KIF6: variants seen among roughly 807,000 people sequenced by gnomAD.
KIF6 encodes kinesin family member 6, also known as kinesin-like protein KIF6.
KIF6 carries 106 observed loss-of-function variants against 112.7 expected under a neutral mutation model. The observed-to-expected ratio is 0.94, with a 90% CI of 0.80 to 1.11. The LOEUF is 1.11. Ranked by LOEUF, KIF6 falls within the 50% of genes least tolerant of loss-of-function variation. The pLI is 0.00. For missense variants in KIF6, 929 were observed against 964.0 expected, an observed-to-expected ratio of 0.96 and a Z score of 0.48; for synonymous variants, 339 against 339.9, an observed-to-expected ratio of 1.00 and a Z score of 0.03.
At chr6:39,419,171 T>C (rs1289081320) in intron 15 of KIF6, among the ~76,000 whole-genome samples, 2 of 151,914 alleles carry the variant, frequency 1.3e-5, no homozygotes, top group Non-Finnish European at 1.5e-5. Context: ...CTAGCCAACG[T>C]GGTGAAACCC....
rs537261198 is a variant in KIF6 at position 39,464,589 on chromosome 6, C to G, written c.1646-33428G>C. Among the ~76,000 whole-genome samples the G allele has an allele frequency of 2.6e-5, 4 of 152,306 alleles. No individual in the cohort carries two copies. In the South Asian group the frequency reaches 8.3e-4, roughly 32 times the overall value. ...TGGAATCTGGAATGCAGAGCAGCCA[C>G]TTGCCTCCTCCTCCTCACCTAGCCA... On this transcript the variant is annotated intron_variant, in intron 13 of 22. Coordinates refer to ENST00000287152, the MANE Select transcript of KIF6 (RefSeq NM_145027.6).
intron 15 of KIF6, among the ~76,000 whole-genome samples, chr6:39,397,762 G>A (rs1010325921): frequency 1.3e-5 from 2 of 152,106 alleles, no homozygotes; most frequent in East Asian, 3.8e-4. Context: ...CACATGGCCC[G>A]AGAACTACAC....
chr6:39,639,174 G>A (rs554110769), intron 4 of KIF6, among the ~76,000 whole-genome samples: 6 of 152,024 alleles, frequency 3.9e-5, no homozygotes, highest in South Asian at 2.1e-4. Context: ...TAATTACAAC[G>A]GTATTTGTAC....
rs375569188 is a variant in KIF6 at position 39,345,720 on chromosome 6, G to A, written c.2301C>T (p.Thr767=). The A allele has an allele frequency of 1.4e-5, 22 of 1,613,574 alleles. No homozygotes were observed. Among genetic ancestry groups the A allele is most frequent in the Non-Finnish European group, 1.9e-5 (22 of 1,179,878 alleles). ...PSPHSQKQSS[T]STPLEDSIPK... Reference sequence around the variant, plus strand: ...CAGACCTGTCTTCCAGTGGGGTGCTGGTGCTGCTCTGTTTCTGGCTGTGTG... The same window carrying A: ...CAGACCTGTCTTCCAGTGGGGTGCTAGTGCTGCTCTGTTTCTGGCTGTGTG... Residue 767 remains threonine, a synonymous_variant, in exon 21 of 23, where the codon ACC becomes ACT. Coordinates refer to ENST00000287152, the MANE Select transcript of KIF6 (RefSeq NM_145027.6).
intron 10 of KIF6, among the ~76,000 whole-genome samples, chr6:39,559,144 C>G (rs571033267): frequency 1.3e-5 from 2 of 152,178 alleles, no homozygotes; most frequent in Admixed American, 1.3e-4. Flanking sequence ...TTATAAAATG[C>G]AAGGGAGCCA....
At chr6:39,594,668 T>C (rs142439703) in intron 7 of KIF6, among the ~76,000 whole-genome samples, 4 of 152,290 alleles carry the variant, frequency 2.6e-5, no homozygotes, top group East Asian at 1.9e-4. Context: ...GATGATTACA[T>C]AGCATTTAAC....
intron 13 of KIF6, among the ~76,000 whole-genome samples, chr6:39,507,417 G>T (rs1227604097): frequency 1.3e-5 from 2 of 152,152 alleles, no homozygotes; most frequent in African/African-American, 2.4e-5. Flanking sequence ...GATTTGTGGA[G>T]CTGTTGCAGG....
chr6:39,510,808 G>A (rs1776735678), intron 13 of KIF6, among the ~76,000 whole-genome samples: 1 of 139,318 alleles, frequency 7.2e-6, no homozygotes, highest in Non-Finnish European at 1.5e-5. Context: ...TCCATCTCAT[G>A]TGCAAAGACA....
At chr6:39,586,117 C>T in intron 8 of KIF6, 144 bp downstream of exon 8, 2 of 711,308 alleles carry the variant, frequency 2.8e-6, no homozygotes, top group Non-Finnish European at 4.8e-6. Flanking sequence ...ACAAATAGCC[C>T]ACAGCTGTGA....
intron 6 of KIF6, among the ~76,000 whole-genome samples, chr6:39,601,615 C>T (rs1782575150): frequency 6.6e-6 from 1 of 151,936 alleles, no homozygotes; most frequent in Admixed American, 6.6e-5. Flanking sequence ...GGAACCTGGA[C>T]AATCTAAATC....
At chr6:39,595,057 C>T (rs1007067126) in intron 7 of KIF6, among the ~76,000 whole-genome samples, 3 of 152,022 alleles carry the variant, frequency 2.0e-5, no homozygotes, top group Non-Finnish European at 2.9e-5. Flanking sequence ...AAATAGAGCA[C>T]ATACTGGGGT....
chr6:39,679,526 A>T (rs1345004312), intron 3 of KIF6, among the ~76,000 whole-genome samples: 4 of 152,052 alleles, frequency 2.6e-5, no homozygotes, highest in Non-Finnish European at 5.9e-5. Flanking sequence ...TCTCCATGGA[A>T]TGCTATCCAG....
intron 15 of KIF6, among the ~76,000 whole-genome samples, chr6:39,396,465 A>G (rs1299661035): frequency 6.6e-6 from 1 of 152,180 alleles, no homozygotes; most frequent in Non-Finnish European, 1.5e-5. Context: ...AGCCAGAGAA[A>G]GGTGGCTAGC....
chr6:39,580,397 G>A (rs1781217524), intron 9 of KIF6, among the ~76,000 whole-genome samples: 1 of 151,988 alleles, frequency 6.6e-6, no homozygotes, highest in South Asian at 2.1e-4. Flanking sequence ...ACTCTTGGAT[G>A]TTCTATGTAA....
In KIF6 at chr6:39,667,952, A is replaced by G. The variant is rs539153220; in HGVS notation, c.252-28195T>C. Among the ~76,000 whole-genome samples the G allele has an allele frequency of 2.0e-5, 3 of 152,250 alleles. No homozygotes were observed. The East Asian group carries it at 5.8e-4, about 29-fold the overall frequency. ...GTGGCTTAGTGCCATCCCCTTGATG[A>G]TGAGTGAGTTCTCGCTTTGAGTTCA... On this transcript the variant is annotated intron_variant, in intron 3 of 22. Coordinates refer to ENST00000287152, the MANE Select transcript of KIF6 (RefSeq NM_145027.6).
At chr6:39,508,684 T>A (rs1184234112) in intron 13 of KIF6, among the ~76,000 whole-genome samples, 2 of 152,148 alleles carry the variant, frequency 1.3e-5, no homozygotes, top group African/African-American at 4.8e-5. Flanking sequence ...TGATGAGGCT[T>A]GAGTAGGCAG....
intron 5 of KIF6, among the ~76,000 whole-genome samples, chr6:39,622,267 G>A (rs1039618267): frequency 6.6e-6 from 1 of 151,374 alleles, no homozygotes; most frequent in Non-Finnish European, 1.5e-5. Flanking sequence ...GTACTTAAAT[G>A]TATGAGCTCT....
At chr6:39,536,265 T>C (rs1374164749) in intron 13 of KIF6, among the ~76,000 whole-genome samples, 1 of 151,184 alleles carries the variant, frequency 6.6e-6, no homozygotes, top group Non-Finnish European at 1.5e-5. Context: ...AAAAAATTAA[T>C]GAATCCAGGA....
chr6:39,650,697 C>T (rs2150789867), intron 3 of KIF6, among the ~76,000 whole-genome samples: 1 of 152,052 alleles, frequency 6.6e-6, no homozygotes, highest in South Asian at 2.1e-4. Flanking sequence ...AATGAAACCA[C>T]AAAATTTTAT....
Sources: gnomAD v4.1 joint callset for allele counts (sites outside exome capture counted in the v4.1 genomes callset) on GRCh38, gnomAD v4.1.1 for gene constraint, MANE v1.5 for transcripts, NCBI Gene and HGNC (gene_info 2026-07-23, HGNC 2026-07-21) for gene names.